The following COL21A1 variants were observed in gnomAD, a reference collection of about 807,000 sequenced individuals.
COL21A1 encodes collagen type XXI alpha 1 chain, also known as collagen alpha-1(XXI) chain.
A neutral mutation model predicts 137.9 loss-of-function variants in COL21A1; 149 were observed. The ratio of observed to expected loss-of-function variants is 1.08; its 90% CI spans 0.95 to 1.24. COL21A1 has a LOEUF of 1.24. COL21A1 is among the 50% of genes most tolerant of loss of function. The probability of loss-of-function intolerance (pLI) is 0.00; values close to 1 mark genes in which losing one functional copy is unlikely to be tolerated. For synonymous variants in COL21A1, 456 were observed against 391.5 expected, an observed-to-expected ratio of 1.16 and a Z score of -1.95; for missense variants, 1,167 against 1,158.4, an observed-to-expected ratio of 1.01 and a Z score of -0.11.
chr6:56,319,852 A>C (rs1764825048), intron 1 of COL21A1, among the ~76,000 whole-genome samples: 1 of 152,162 alleles, frequency 6.6e-6, no homozygotes, highest in African/African-American at 2.4e-5. Context: ...TACCTTAATT[A>C]GACCAGGTCT....
chr6:56,363,976 C>T (rs1181311912), intron 1 of COL21A1, among the ~76,000 whole-genome samples: 1 of 152,194 alleles, frequency 6.6e-6, no homozygotes, highest in African/African-American at 2.4e-5. Context: ...AGAGTTTGCA[C>T]TGGACAGCAA....
intron 1 of COL21A1, among the ~76,000 whole-genome samples, chr6:56,287,882 A>T (rs1188652085): frequency 3.9e-5 from 6 of 152,048 alleles, no homozygotes; most frequent in African/African-American, 1.4e-4. Flanking sequence ...GATTCAGCCT[A>T]TCATTGCTGC....
At chr6:56,128,187 C>T (rs1476302138) in intron 12 of COL21A1, among the ~76,000 whole-genome samples, 1 of 152,144 alleles carries the variant, frequency 6.6e-6, no homozygotes, top group Non-Finnish European at 1.5e-5. Flanking sequence ...TTTGGTTAAG[C>T]TCAATGGTGT....
At chr6:56,273,957 C>T (rs972019395) in intron 1 of COL21A1, among the ~76,000 whole-genome samples, 2 of 152,012 alleles carry the variant, frequency 1.3e-5, no homozygotes, top group Non-Finnish European at 1.5e-5. Context: ...ATAACCTTGG[C>T]GAACATACAT....
chr6:56,181,702 G>T (rs574602785), intron 2 of COL21A1, among the ~76,000 whole-genome samples: 39 of 152,254 alleles, frequency 2.6e-4, no homozygotes, highest in African/African-American at 8.4e-4. Context: ...CTTCCTTAGA[G>T]AGATGAATGA....
chr6:56,087,160 G>A (rs1487458466), intron 17 of COL21A1, among the ~76,000 whole-genome samples: 1 of 152,074 alleles, frequency 6.6e-6, no homozygotes, highest in African/African-American at 2.4e-5. Context: ...TGTGTCATAA[G>A]ATCATGTACA....
In COL21A1 at chr6:56,077,536, CCCATTAATCCTCGGTTTCCAGGAAAT is replaced by C. The variant is rs1208054065; in HGVS notation, c.1824_1849del (p.Phe609ProfsTer38). ...ACTCTCATGAATACTTACCTTTTGG[CCCATTAATCCTCGGTTTCCAGGAAAT>C]CCTGGGATTCCCTAAAAACAAATAA... On this transcript the variant is annotated frameshift_variant, in exon 18 of 30. Transcript: ENST00000244728. LOFTEE classifies it high-confidence loss of function. 4 of 1,575,362 alleles carry C rather than the reference CCCATTAATCCTCGGTTTCCAGGAAAT, an allele frequency of 2.5e-6. No individual in the cohort carries two copies. The highest frequency in any genetic ancestry group is 3.5e-6 in the Non-Finnish European group (4 of 1,159,060).
intron 1 of COL21A1, among the ~76,000 whole-genome samples, chr6:56,187,770 A>G (rs1489934165): frequency 6.6e-6 from 1 of 152,212 alleles, no homozygotes; most frequent in Non-Finnish European, 1.5e-5. Context: ...TTGGATTAAG[A>G]TGAATATTTC....
intron 16 of COL21A1, among the ~76,000 whole-genome samples, chr6:56,111,675 C>A (rs1771442284): frequency 6.7e-6 from 1 of 149,386 alleles, no homozygotes; most frequent in Non-Finnish European, 1.5e-5. Flanking sequence ...ACCAGCCTGG[C>A]CAACATGGTG....
intron 16 of COL21A1, among the ~76,000 whole-genome samples, chr6:56,115,543 A>G (rs574369210): frequency 7.2e-5 from 11 of 152,296 alleles, no homozygotes; most frequent in Admixed American, 1.3e-4. Context: ...AAGCTTCCCA[A>G]GAAGGATGAC....
At chr6:56,132,281 C>T (rs1054987898) in intron 12 of COL21A1, among the ~76,000 whole-genome samples, 2 of 151,966 alleles carry the variant, frequency 1.3e-5, no homozygotes, top group African/African-American at 4.8e-5. Context: ...GATGTCAATG[C>T]TTCTAAAACT....
intron 1 of COL21A1, among the ~76,000 whole-genome samples, chr6:56,211,185 ATGT>A: frequency 1.8e-4 from 2 of 11,312 alleles, no homozygotes; most frequent in Non-Finnish European, 3.0e-4. Flanking sequence ...ATACATATAT[ATGT>A]ATATATGTAT....
chr6:56,078,277 G>T (rs1767420477), intron 17 of COL21A1: 1 of 451,326 alleles, frequency 2.2e-6, no homozygotes, highest in Non-Finnish European at 4.5e-6. Context: ...GAGTTCTATT[G>T]TCTGCCTTTT....
intron 1 of COL21A1, among the ~76,000 whole-genome samples, chr6:56,204,696 C>T (rs1489948757): frequency 2.0e-5 from 3 of 152,148 alleles, no homozygotes; most frequent in African/African-American, 7.2e-5. Context: ...GAGATACCTC[C>T]AGTAGGGGCT....
chr6:56,232,121 G>A (rs578041584), intron 1 of COL21A1, among the ~76,000 whole-genome samples: 50 of 151,952 alleles, frequency 3.3e-4, no homozygotes, highest in South Asian at 2.5e-3. Context: ...AGTTGGGAAA[G>A]ACATATAATT....
At chr6:56,298,390 G>C (rs890182560) in intron 1 of COL21A1, among the ~76,000 whole-genome samples, 3 of 152,106 alleles carry the variant, frequency 2.0e-5, no homozygotes, top group Admixed American at 2.0e-4. Flanking sequence ...TTGCAAACTT[G>C]GGGTGCCTTT....
intron 1 of COL21A1, among the ~76,000 whole-genome samples, chr6:56,328,746 A>AC (rs1302907961): frequency 6.6e-6 from 1 of 152,088 alleles, no homozygotes; most frequent in Non-Finnish European, 1.5e-5. Flanking sequence ...ATGTTTTCCC[A>AC]CCCACTATCT....
chr6:56,285,416 C>T (rs977280954), intron 1 of COL21A1, among the ~76,000 whole-genome samples: 2 of 152,084 alleles, frequency 1.3e-5, no homozygotes, highest in African/African-American at 4.8e-5. Context: ...TTAGAATTGT[C>T]CTTAGAATAA....
intron 1 of COL21A1, among the ~76,000 whole-genome samples, chr6:56,319,685 C>T (rs1764821817): frequency 6.6e-6 from 1 of 152,096 alleles, no homozygotes; most frequent in Non-Finnish European, 1.5e-5. Flanking sequence ...ACAAAGAGAT[C>T]AGCCTGAGCA....
Sources: allele counts gnomAD v4.1 joint callset (sites outside exome capture counted in the v4.1 genomes callset), GRCh38; gene constraint gnomAD v4.1.1; transcripts MANE v1.5; gene names NCBI Gene and HGNC (gene_info 2026-07-23, HGNC 2026-07-21).